ECE1: variants seen among roughly 807,000 people sequenced by gnomAD.
ECE1 encodes endothelin-converting enzyme 1.
In ECE1, 35 loss-of-function variants were observed where a neutral mutation model predicts 98.6. The ratio of observed to expected loss-of-function variants is 0.35; its 90% CI spans 0.27 to 0.47. ECE1 has a LOEUF of 0.47. Among genes scored for constraint, ECE1 ranks in the 20% least tolerant of loss-of-function variants. The pLI is 1.00. For missense variants in ECE1, 814 were observed against 1,025.3 expected, an observed-to-expected ratio of 0.79 and a Z score of 2.81; for synonymous variants, 394 against 407.1, an observed-to-expected ratio of 0.97 and a Z score of 0.39.
intron 3 of ECE1, among the ~76,000 whole-genome samples, chr1:21,274,497 A>G (rs940470198): frequency 6.6e-6 from 1 of 152,174 alleles, no homozygotes; most frequent in Admixed American, 6.5e-5. Context: ...GGTAGGACCA[A>G]TTTCACAGAT....
At chr1:21,331,491 AG>A (rs1639200111) in intron 1 of ECE1, among the ~76,000 whole-genome samples, 1 of 152,004 alleles carries the variant, frequency 6.6e-6, no homozygotes, top group African/African-American at 2.4e-5. Context: ...CTGAGGTGGG[AG>A]GATCGCTTGA....
intron 1 of ECE1, among the ~76,000 whole-genome samples, chr1:21,338,509 G>C (rs552693089): frequency 1.6e-4 from 24 of 152,348 alleles, no homozygotes; most frequent in African/African-American, 5.8e-4. Context: ...CTCACAGTGA[G>C]GAAGTGGTGG....
chr1:21,296,238 G>A lies in ECE1; in HGVS notation c.4-6082C>T, dbSNP rs183890554. The stretch of plus-strand genomic sequence containing the variant: ...AATAGAAATCATGTACCCTTCAGCC[G>A]GGTGCTCATGCTTGTAATCCCAGCA... On this transcript the variant is annotated intron_variant, in intron 1 of 18. Transcript: ENST00000415912. Among the ~76,000 whole-genome samples the A allele has an allele frequency of 5.3e-5, 8 of 152,148 alleles. No individual in the cohort carries two copies. The East Asian group carries it at 1.4e-3, about 26-fold the overall frequency.
chr1:21,312,091 C>A (rs1569732562), intron 1 of ECE1, among the ~76,000 whole-genome samples: 1 of 149,392 alleles, frequency 6.7e-6, no homozygotes, highest in Admixed American at 6.7e-5. Flanking sequence ...CCACTGCACT[C>A]CAGCCTGAGC....
chr1:21,239,511 T>C (rs1305881804), intron 10 of ECE1, among the ~76,000 whole-genome samples: 1 of 152,216 alleles, frequency 6.6e-6, no homozygotes, highest in African/African-American at 2.4e-5. Context: ...CAAAATGTGG[T>C]ATTTTTATAC....
At chr1:21,222,054 C>T (rs1410041953) in intron 17 of ECE1, 2 of 596,286 alleles carry the variant, frequency 3.4e-6, no homozygotes, top group Admixed American at 2.8e-5. Flanking sequence ...ATGGCTCTCA[C>T]ATTTACACCT....
intron 1 of ECE1, among the ~76,000 whole-genome samples, chr1:21,318,900 A>G (rs1272820645): frequency 1.3e-5 from 2 of 152,180 alleles, no homozygotes; most frequent in African/African-American, 4.8e-5. Flanking sequence ...CAGCATGGGA[A>G]ATGTGACGTC....
At position 21,258,433 on chromosome 1, in the gene ECE1, C is replaced by T. The variant is rs564390752; in HGVS notation, c.762+260G>A. On this transcript the variant is annotated intron_variant, in intron 6 of 18. Coordinates refer to ENST00000374893, the MANE Select transcript of ECE1 (RefSeq NM_001397.3). This position sits in a 1 kb window ranked among gnomAD's most constrained non-coding sequence, Gnocchi z 4.2. The stretch of plus-strand genomic sequence containing the variant: ...ACCAGGATGTGGGTTCAGCTGTGCC[C>T]AGGAGTTGACATCATTCTTGGGGCC... Among the ~76,000 whole-genome samples, 11 of 152,298 alleles carry T rather than the reference C, an allele frequency of 7.2e-5. No individual in the cohort carries two copies. Among genetic ancestry groups the T allele is most frequent in the African/African-American group, 1.2e-4 (5 of 41,574 alleles).
intron 1 of ECE1, among the ~76,000 whole-genome samples, chr1:21,305,268 G>C (rs1200362646): frequency 3.9e-5 from 6 of 152,162 alleles, no homozygotes; most frequent in Admixed American, 2.6e-4. Context: ...CTAACTTCTG[G>C]TCTGATTAAC....
At chr1:21,262,371 T>G (rs977325457) in intron 4 of ECE1, among the ~76,000 whole-genome samples, 1 of 152,006 alleles carries the variant, frequency 6.6e-6, no homozygotes, top group Non-Finnish European at 1.5e-5. Context: ...ATACAGAAGA[T>G]CAGGGAGAGC....
chr1:21,273,083 C>T (rs996408016), intron 3 of ECE1, among the ~76,000 whole-genome samples, 172 bp from the exon 4 acceptor site: 1 of 152,250 alleles, frequency 6.6e-6, no homozygotes, highest in African/African-American at 2.4e-5. Flanking sequence ...CCGCTTATAA[C>T]ACAAGACTTC....
intron 8 of ECE1, among the ~76,000 whole-genome samples, chr1:21,253,228 T>C (rs2098215046): frequency 6.6e-6 from 1 of 151,888 alleles, no homozygotes; most frequent in South Asian, 2.1e-4. Flanking sequence ...GGCTAATTTT[T>C]GTATTTTTAG....
At chr1:21,227,066 C>T in intron 16 of ECE1, 93 bp downstream of exon 16, 2 of 1,300,296 alleles carry the variant, frequency 1.5e-6, no homozygotes, top group South Asian at 2.4e-5. Context: ...CTATGTTGCC[C>T]AGGCTGGTCT....
At position 21,219,261 on chromosome 1, in the gene ECE1, C is replaced by T. The variant is rs2098164442; in HGVS notation, c.*694G>A. 1 of 152,704 alleles carries T rather than the reference C, an allele frequency of 6.5e-6. No homozygotes were observed. The highest frequency in any genetic ancestry group is 2.1e-4 in the South Asian group (1 of 4,848). The allele number at this position is 152,704 out of a possible 1,614,324, so 9.5% of individuals were successfully genotyped here. ...GCAGGCTAGCTGAAGGGGCAGTGCC[C>T]ATGAGCTGGGCCCCCCGCAGAGCAG... On this transcript the variant is annotated 3_prime_UTR_variant, in exon 19 of 19. Transcript: ENST00000374893. This position sits in a 1 kb window ranked among gnomAD's most constrained non-coding sequence, Gnocchi z 4.5.
At chr1:21,304,271 G>A (rs1482627734) in intron 1 of ECE1, among the ~76,000 whole-genome samples, 6 of 140,282 alleles carry the variant, frequency 4.3e-5, no homozygotes, top group Admixed American at 7.5e-5. Context: ...AGCCGAGATC[G>A]CGCCACGGCA....
chr1:21,338,174 T>C (rs1411213613), intron 1 of ECE1, among the ~76,000 whole-genome samples: 7 of 152,014 alleles, frequency 4.6e-5, no homozygotes, highest in Admixed American at 1.3e-4. Flanking sequence ...GTGTGTGTGG[T>C]ATTGACCAAG....
rs1223075851 is a variant in ECE1 at position 21,220,780 on chromosome 1, A to C, written c.2137-649T>G. ...CATTGCACTCCAGGCCGGGTGACTGAGGGAGACTCCGGCTCCAAAAAAACA... is the reference window on the plus strand; with the variant it reads ...CATTGCACTCCAGGCCGGGTGACTGCGGGAGACTCCGGCTCCAAAAAAACA... On this transcript the variant is annotated intron_variant, in intron 18 of 18. Coordinates refer to ENST00000374893, the MANE Select transcript of ECE1 (RefSeq NM_001397.3). The surrounding 1 kb of genome is among the most constrained non-coding windows in gnomAD (Gnocchi z 5.0). Among the ~76,000 whole-genome samples, 1 of 152,106 alleles carries C rather than the reference A, an allele frequency of 6.6e-6. No individual in the cohort carries two copies. The highest frequency in any genetic ancestry group is 2.4e-5 in the African/African-American group (1 of 41,422).
At chr1:21,264,475 C>T (rs1054906410) in intron 4 of ECE1, among the ~76,000 whole-genome samples, 5 of 152,114 alleles carry the variant, frequency 3.3e-5, no homozygotes, top group African/African-American at 7.2e-5. Context: ...CCATCACGCC[C>T]GGCTAATTTT....
chr1:21,234,259 A>G (rs2098185332), intron 13 of ECE1, among the ~76,000 whole-genome samples: 2 of 152,064 alleles, frequency 1.3e-5, no homozygotes, highest in African/African-American at 4.8e-5. Context: ...AAGTGCTGGG[A>G]TTACAGGCGT....
Sources: gnomAD v4.1 joint callset for allele counts (sites outside exome capture counted in the v4.1 genomes callset) on GRCh38, gnomAD v4.1.1 for gene constraint, Gnocchi (gnomAD v3.1) non-coding constraint, MANE v1.5 for transcripts, NCBI Gene and HGNC (gene_info 2026-07-23, HGNC 2026-07-21) for gene names.